The following MGAM variants were observed in gnomAD, a reference collection of about 807,000 sequenced individuals.
MGAM encodes maltase-glucoamylase, also known as alpha-1,4-glucosidase.
MGAM carries 253 observed loss-of-function variants against 358.8 expected under a neutral mutation model. That is an observed-to-expected ratio of 0.71 (90% CI 0.64 to 0.78). The LOEUF (loss-of-function observed/expected upper bound fraction) is 0.78, where lower values mean the gene tolerates loss of function less well. MGAM is among the 30% of genes least tolerant of loss of function. The probability of loss-of-function intolerance (pLI) is 0.00; values close to 1 mark genes in which losing one functional copy is unlikely to be tolerated. For missense variants in MGAM, 3,080 were observed against 3,432.6 expected (o/e 0.90, Z 2.57); for synonymous variants, 1,105 against 1,227.1 (o/e 0.90, Z 2.08).
intron 56 of MGAM, 63 bp downstream of exon 56, chr7:142,086,391 A>G: frequency 1.5e-6 from 2 of 1,309,794 alleles, no homozygotes; most frequent in Non-Finnish European, 2.1e-6. Flanking sequence ...TTAGAGGGTC[A>G]CACGCCTGTG....
chr7:142,006,501 C>G (rs1250408886), intron 2 of MGAM, among the ~76,000 whole-genome samples: 1 of 152,134 alleles, frequency 6.6e-6, no homozygotes, highest in South Asian at 2.1e-4. Context: ...TCCCAAAAAA[C>G]CGTTATGTGA....
At chr7:142,068,854 T>A (rs1048856782) in intron 43 of MGAM, among the ~76,000 whole-genome samples, 151 bp downstream of exon 43, 1 of 146,380 alleles carries the variant, frequency 6.8e-6, no homozygotes, top group African/African-American at 2.4e-5. Flanking sequence ...ATCTCAGTTT[T>A]CTCACCTCCA....
intron 17 of MGAM, 144 bp from the exon 18 acceptor site, chr7:142,036,679 A>G (rs2129008231): frequency 1.3e-6 from 1 of 779,946 alleles, no homozygotes; most frequent in East Asian, 2.5e-5. Context: ...GACACTTGGT[A>G]CTACTCAGAA....
At chr7:142,105,250 C>T (rs768838875) in intron 70 of MGAM, among the ~76,000 whole-genome samples, 28 of 152,088 alleles carry the variant, frequency 1.8e-4, no homozygotes, top group Non-Finnish European at 4.1e-4. Context: ...GGCATTCTCT[C>T]CAGTTTGTGC....
intron 1 of MGAM, among the ~76,000 whole-genome samples, chr7:142,003,031 C>G (rs1229332003): frequency 3.9e-5 from 6 of 152,032 alleles, no homozygotes; most frequent in African/African-American, 1.4e-4. Context: ...GGTCAAGGAT[C>G]TCTACAGACA....
chr7:142,017,161 A>AG (rs1198868163), intron 3 of MGAM, among the ~76,000 whole-genome samples: 2 of 151,910 alleles, frequency 1.3e-5, no homozygotes, highest in African/African-American at 4.8e-5. Flanking sequence ...TTTTGGATCG[A>AG]GGATTTCCAC....
intron 21 of MGAM, among the ~76,000 whole-genome samples, chr7:142,045,134 TATATTATATATCATATATGTG>T (rs1354506728): frequency 1.3e-3 from 98 of 76,222 alleles, no homozygotes; most frequent in African/African-American, 3.7e-3. Context: ...ATATAATATG[TATATTATATATCATATATGTG>T]ATATATAATA....
At chr7:142,090,513 C>T (rs1207242879) in intron 57 of MGAM, among the ~76,000 whole-genome samples, 1 of 145,922 alleles carries the variant, frequency 6.9e-6, no homozygotes, top group Non-Finnish European at 1.6e-5. Flanking sequence ...TGATGTGACC[C>T]ACTGTCTTCT....
intron 2 of MGAM, among the ~76,000 whole-genome samples, chr7:142,006,290 A>T (rs781923412): frequency 3.3e-5 from 5 of 152,126 alleles, no homozygotes. Flanking sequence ...TGGATTTCCC[A>T]TCAAAACTCT....
chr7:142,043,971 C>A (rs1354682563), intron 21 of MGAM, among the ~76,000 whole-genome samples: 5 of 96,842 alleles, frequency 5.2e-5, no homozygotes, highest in African/African-American at 1.4e-4. Context: ...TATACACATA[C>A]GACGTATAAT....
intron 21 of MGAM, among the ~76,000 whole-genome samples, chr7:142,045,019 GTATAT>G (rs1218218225): frequency 4.4e-5 from 4 of 91,200 alleles, no homozygotes; most frequent in African/African-American, 1.5e-4. Flanking sequence ...TATATAATAT[GTATAT>G]TGTATACACG....
rs558774330 is a variant in MGAM at position 142,056,003 on chromosome 7, A to G, written c.3487A>G (p.Lys1163Glu). The part of the protein sequence containing the change: ...MFSRDQPPGY[K>E]KNSYGVHPYY... ...GCTTCTTCCCATGACTCCCCAGTAC[A>G]AGAAGAATTCCTATGGTGTCCACCC... is the stretch of plus-strand genomic sequence containing the variant. The change falls in exon 29 of 71, where the codon AAG becomes GAG. Residue 1163 changes from lysine (K) to glutamate (E), a missense_variant. By Grantham distance (56) the Lys-to-Glu change is moderately conservative. Around this residue, in one of 5 missense-constraint regions of MGAM, gnomAD observed 1,816 missense variants for 1,840.5 expected, o/e 0.99. Coordinates refer to ENST00000475668, the MANE Select transcript of MGAM (RefSeq NM_001365693.1). 3.1e-6 allele frequency: 5 copies of G among 1,610,202 alleles called. No individual in the cohort carries two copies. Among genetic ancestry groups the G allele is most frequent in the Admixed American group, 1.7e-5 (1 of 59,510 alleles).
intron 26 of MGAM, 43 bp downstream of exon 26, chr7:142,053,027 A>C: frequency 6.3e-7 from 1 of 1,589,578 alleles, no homozygotes; most frequent in Non-Finnish European, 8.6e-7. Flanking sequence ...GACCCTTTTC[A>C]GTTCCATTAC....
chr7:142,032,033 CTTTT>C (rs371378447), intron 13 of MGAM, among the ~76,000 whole-genome samples: 3 of 122,322 alleles, frequency 2.5e-5, no homozygotes, highest in South Asian at 2.7e-4. Context: ...AAGTCTAGCT[CTTTT>C]TTTTTTTTTT....
intron 21 of MGAM, among the ~76,000 whole-genome samples, chr7:142,046,180 T>G (rs911620020): frequency 6.1e-5 from 9 of 147,304 alleles, no homozygotes; most frequent in Non-Finnish European, 1.2e-4. Flanking sequence ...TTGTTTTGTT[T>G]TTTGCTCCTT....
chr7:142,005,244 C>T (rs530236787), intron 1 of MGAM, among the ~76,000 whole-genome samples: 6 of 151,922 alleles, frequency 3.9e-5, no homozygotes, highest in African/African-American at 1.2e-4. Context: ...TAATATTTTG[C>T]CTTTTGCAAA....
intron 26 of MGAM, 41 bp from the exon 27 acceptor site, chr7:142,054,713 A>T: frequency 4.4e-6 from 7 of 1,607,110 alleles, no homozygotes; most frequent in Non-Finnish European, 6.0e-6. Flanking sequence ...ATAGGTTTCA[A>T]GAGTAGTATT....
intron 20 of MGAM, chr7:142,040,375 T>C (rs1365288925): frequency 1.7e-6 from 1 of 595,216 alleles, no homozygotes; most frequent in African/African-American, 1.9e-5. Flanking sequence ...TACCTTCATA[T>C]ACTTTATTTA....
chr7:142,041,916 C>T (rs556485008), intron 21 of MGAM, among the ~76,000 whole-genome samples: 1,148 of 21,534 alleles, frequency 0.053, 45 homozygotes, highest in Non-Finnish European at 0.084. Flanking sequence ...TATATATATA[C>T]GTATAATATA....
Sources: allele counts gnomAD v4.1 joint callset (sites outside exome capture counted in the v4.1 genomes callset), GRCh38; gene constraint gnomAD v4.1.1; regional missense constraint gnomAD v4.1.1; transcripts MANE v1.5; gene names NCBI Gene and HGNC (gene_info 2026-07-23, HGNC 2026-07-21).